Variants in CYTH3 observed in about 807,000 individuals in gnomAD.
CYTH3 encodes cytohesin 3.
Under a neutral mutation model 55.1 loss-of-function variants are expected in CYTH3, and 23 were observed. The ratio of observed to expected loss-of-function variants is 0.42; its 90% CI spans 0.30 to 0.59. The LOEUF is 0.59. CYTH3 is among the 20% of genes least tolerant of loss of function. The probability of loss-of-function intolerance (pLI) is 0.20; values close to 1 mark genes in which losing one functional copy is unlikely to be tolerated. For synonymous variants in CYTH3, 249 were observed against 194.9 expected (o/e 1.28, Z -2.31); for missense variants, 413 against 524.8 (o/e 0.79, Z 2.08).
intron 1 of CYTH3, among the ~76,000 whole-genome samples, chr7:6,205,193 G>A (rs981394837): frequency 8.6e-5 from 13 of 151,820 alleles, no homozygotes; most frequent in African/African-American, 2.9e-4. Flanking sequence ...CAGTGACCAG[G>A]AAAACCCATT....
intron 1 of CYTH3, 137 bp from the exon 2 acceptor site, chr7:6,190,668 G>GT: frequency 1.6e-6 from 1 of 634,636 alleles, no homozygotes; most frequent in African/African-American, 1.9e-5. Flanking sequence ...CATTGAGACT[G>GT]TATCTGAGAC....
intron 1 of CYTH3, among the ~76,000 whole-genome samples, chr7:6,235,438 A>G (rs891482423): frequency 6.7e-6 from 1 of 148,790 alleles, no homozygotes; most frequent in Non-Finnish European, 1.5e-5. Context: ...GCACCACTGC[A>G]CTCCAACCTG....
chr7:6,171,080 C>A lies in CYTH3; in HGVS notation c.563-102G>T. 1 of 1,585,656 alleles carries A rather than the reference C, an allele frequency of 6.3e-7. No homozygotes were observed. Among genetic ancestry groups the A allele is most frequent in the Non-Finnish European group, 8.6e-7 (1 of 1,159,706 alleles). On this transcript the variant is annotated intron_variant, in intron 7 of 12. Transcript: ENST00000350796. The surrounding 1 kb of genome is among the most constrained non-coding windows in gnomAD (Gnocchi z 6.7). The stretch of plus-strand genomic sequence containing the variant: ...TGCAAGAGGTGCCCGGCCCACAGGT[C>A]GTCCTCGCTCAGGGAAGGCAGGTCC...
At chr7:6,265,886 A>C (rs1033736878) in intron 1 of CYTH3, among the ~76,000 whole-genome samples, 1 of 152,098 alleles carries the variant, frequency 6.6e-6, no homozygotes, top group Admixed American at 6.6e-5. Flanking sequence ...AACTGGAAGA[A>C]CACCACAATA....
At chr7:6,172,563 T>C (rs1783229728) in intron 6 of CYTH3, among the ~76,000 whole-genome samples, 3 of 152,182 alleles carry the variant, frequency 2.0e-5, no homozygotes, top group Non-Finnish European at 4.4e-5. Context: ...GACCTGCCTG[T>C]ATTCCCGCCC....
rs372558924 is a variant in CYTH3 at position 6,245,777 on chromosome 7, G to A, written c.34+26697C>T. ...AAAGTAGCCAGCCATGGTAGTGCACGCCTGTAATCCCAGCTACTCAGGAAG... is the reference window on the plus strand; with the variant it reads ...AAAGTAGCCAGCCATGGTAGTGCACACCTGTAATCCCAGCTACTCAGGAAG... On this transcript the variant is annotated intron_variant, in intron 1 of 12. Transcript: ENST00000350796. 4.2e-4 allele frequency among the ~76,000 whole-genome samples: 64 copies of A among 152,326 alleles called. 1 individual carries two copies. In the East Asian group the frequency reaches 0.01, roughly 24 times the overall value.
chr7:6,272,453 C>T (rs1285134809), intron 1 of CYTH3, 21 bp downstream of exon 1: 2 of 1,355,756 alleles, frequency 1.5e-6, no homozygotes, highest in Non-Finnish European at 1.9e-6. Context: ...CCGGCGAGCC[C>T]ACCACACCTC....
intron 1 of CYTH3, among the ~76,000 whole-genome samples, chr7:6,218,977 G>A (rs1012848238): frequency 7.2e-6 from 1 of 138,586 alleles, no homozygotes; most frequent in Non-Finnish European, 1.5e-5. Context: ...TGTACTCCAG[G>A]CTGGCAACGG....
intron 2 of CYTH3, among the ~76,000 whole-genome samples, chr7:6,189,471 A>G (rs1006003240): frequency 2.0e-5 from 3 of 151,950 alleles, no homozygotes; most frequent in Admixed American, 6.6e-5. Context: ...TTAGCTGGGC[A>G]TGGTGGCGTG....
chr7:6,170,947 G>C lies in CYTH3; in HGVS notation c.594C>G (p.Ile198Met). 1 of 1,614,038 alleles carries C rather than the reference G, an allele frequency of 6.2e-7. No individual in the cohort carries two copies. The highest frequency in any genetic ancestry group is 8.5e-7 in the Non-Finnish European group (1 of 1,179,938). The change falls in exon 8 of 13, where the codon ATC (isoleucine) becomes ATG (methionine). Residue 198 changes from isoleucine to methionine, a missense_variant. Ile to Met is a conservative substitution (Grantham distance 10, BLOSUM62 1). Transcript: ENST00000350796. The surrounding 1 kb of genome is among the most constrained non-coding windows in gnomAD (Gnocchi z 7.8). ...DTCYVLSFAI[I>M]MLNTSLHNHN... Reference sequence around the variant, plus strand: ...GGTTGTGGAGGCTGGTGTTGAGCATGATGATGGCGAATGACAGCACGTAGC... The same window carrying C: ...GGTTGTGGAGGCTGGTGTTGAGCATCATGATGGCGAATGACAGCACGTAGC...
chr7:6,272,543 C>G lies in CYTH3; in HGVS notation c.-36G>C. The G allele has an allele frequency of 7.9e-7, 1 of 1,268,624 alleles. No homozygotes were observed. Among genetic ancestry groups the G allele is most frequent in the South Asian group, 1.7e-5 (1 of 58,040 alleles). The allele number at this position is 1,268,624 out of a possible 1,614,324, so 78.6% of individuals were successfully genotyped here. A position where few individuals can be genotyped will look rare whatever the true frequency, so the allele number is the denominator to read the frequency against. On this transcript the variant is annotated 5_prime_UTR_variant, in exon 1 of 13. Transcript: ENST00000350796. ...CTCCCGCAGCCGGCGAGCCGGGGGC[C>G]GGCAGCAGAGGGGCCGCGGGCTGGG...
At chr7:6,259,792 TA>T (rs1398830561) in intron 1 of CYTH3, among the ~76,000 whole-genome samples, 41 of 15,002 alleles carry the variant, frequency 2.7e-3, no homozygotes, top group Middle Eastern at 0.028. Flanking sequence ...ATAATATATA[TA>T]TATATATATA....
In CYTH3 at chr7:6,165,786, C is replaced by G. The variant is rs751931620; in HGVS notation, c.848G>C (p.Arg283Pro). The change falls in exon 10 of 13, where the codon CGC becomes CCC. Residue 283 changes from arginine to proline, a missense_variant. Around this residue, in one of 4 missense-constraint regions of CYTH3, gnomAD observed 156 missense variants for 233.1 expected, o/e 0.67. Transcript: ENST00000350796. ...GTTATCGGTCAGGATGAACCACCGG[C>G]GCTTCCAGGTCTTCACACGCCCTCC... The part of the protein sequence containing the change: ...KLGGRVKTWK[R>P]RWFILTDNCL... The G allele has an allele frequency of 6.2e-7, 1 of 1,614,146 alleles. No individual in the cohort carries two copies. The highest frequency in any genetic ancestry group is 8.5e-7 in the Non-Finnish European group (1 of 1,180,014).
chr7:6,185,116 C>G (rs997625276), intron 4 of CYTH3, among the ~76,000 whole-genome samples: 2 of 152,276 alleles, frequency 1.3e-5, no homozygotes, highest in South Asian at 4.1e-4. Flanking sequence ...AGCTGTTACC[C>G]AAAATATCAA....
chr7:6,187,416 T>G (rs1327499075), intron 3 of CYTH3, among the ~76,000 whole-genome samples: 1 of 152,228 alleles, frequency 6.6e-6, no homozygotes, highest in Non-Finnish European at 1.5e-5. Context: ...CTGAAGTGCC[T>G]GTGCTTATGC....
At chr7:6,179,138 T>C (rs573607901) in intron 4 of CYTH3, among the ~76,000 whole-genome samples, 1 of 152,034 alleles carries the variant, frequency 6.6e-6, no homozygotes, top group East Asian at 1.9e-4. Context: ...CTGAAAACAG[T>C]CAGTAAGAGA....
intron 4 of CYTH3, among the ~76,000 whole-genome samples, chr7:6,183,964 A>G (rs1395299282): frequency 1.3e-5 from 2 of 150,552 alleles, no homozygotes; most frequent in African/African-American, 4.9e-5. Context: ...CCAGACACCA[A>G]TCATGCTGGC....
At chr7:6,272,409 C>CGGGGG in intron 1 of CYTH3, 65 bp downstream of exon 1, 4 of 1,212,368 alleles carry the variant, frequency 3.3e-6, no homozygotes, top group Non-Finnish European at 4.2e-6. Flanking sequence ...GCCGCGCCCT[C>CGGGGG]GACCCCCAGC....
At chr7:6,270,469 GGTTT>G (rs773114996) in intron 1 of CYTH3, among the ~76,000 whole-genome samples, 2 of 151,930 alleles carry the variant, frequency 1.3e-5, no homozygotes, top group African/African-American at 2.4e-5. Context: ...CGTCTTTGAT[GGTTT>G]TTTTCCAATC....
Sources: gnomAD v4.1 joint callset for allele counts (sites outside exome capture counted in the v4.1 genomes callset) on GRCh38, gnomAD v4.1.1 for gene constraint, gnomAD v4.1.1 regional missense constraint, Gnocchi (gnomAD v3.1) non-coding constraint, MANE v1.5 for transcripts, NCBI Gene and HGNC (gene_info 2026-07-23, HGNC 2026-07-21) for gene names.